The following PRKAR2A variants were observed in gnomAD, a reference collection of about 807,000 sequenced individuals.
PRKAR2A encodes cAMP-dependent protein kinase type II-alpha regulatory subunit.
PRKAR2A carries 29 observed loss-of-function variants against 51.9 expected under a neutral mutation model. The ratio of observed to expected loss-of-function variants is 0.56; its 90% CI spans 0.42 to 0.76. The LOEUF is 0.76. PRKAR2A is among the 30% of genes least tolerant of loss of function. The pLI is 0.00. For missense variants in PRKAR2A, 445 were observed against 512.1 expected, an observed-to-expected ratio of 0.87 and a Z score of 1.26; for synonymous variants, 178 against 186.2, an observed-to-expected ratio of 0.96 and a Z score of 0.36.
chr3:48,772,830 G>A (rs2082047859), intron 6 of PRKAR2A, 125 bp downstream of exon 6: 1 of 1,013,262 alleles, frequency 9.9e-7, no homozygotes, highest in East Asian at 2.8e-5. Flanking sequence ...TTTTAGTAGA[G>A]ATGGGGTTTC....
chr3:48,769,217 G>A (rs1675562501), intron 6 of PRKAR2A, among the ~76,000 whole-genome samples: 1 of 146,064 alleles, frequency 6.8e-6, no homozygotes, highest in Non-Finnish European at 1.5e-5. Context: ...GAGTGCAGTG[G>A]CACAATCTCG....
At position 48,747,623 on chromosome 3, in the gene PRKAR2A, A is replaced by G. The variant is rs1003274497; in HGVS notation, c.*3962T>C. 2.0e-5 allele frequency: 3 copies of G among 152,222 alleles called. No individual in the cohort carries two copies. The highest frequency in any genetic ancestry group is 2.9e-5 in the Non-Finnish European group (2 of 68,046). 9.4% of individuals were successfully genotyped at this position (152,222 alleles called of 1,614,324 possible). ...ACACAATTATATATGAAGACTATTG[A>G]CTAACAGGACAATAGCACATGAACC... On this transcript the variant is annotated 3_prime_UTR_variant, in exon 11 of 11. Transcript: ENST00000265563.
chr3:48,792,186 G>C (rs1444890650), intron 3 of PRKAR2A, among the ~76,000 whole-genome samples: 1 of 151,336 alleles, frequency 6.6e-6, no homozygotes, highest in Non-Finnish European at 1.5e-5. Flanking sequence ...CTGTTGCCCA[G>C]GTTGGAGTGC....
At chr3:48,840,026 C>A (rs977477819) in intron 1 of PRKAR2A, among the ~76,000 whole-genome samples, 7 of 152,168 alleles carry the variant, frequency 4.6e-5, no homozygotes, top group Non-Finnish European at 4.4e-5. Context: ...CACCCTATTA[C>A]ACCTTCCCCC....
At chr3:48,821,894 G>T (rs1381376556) in intron 1 of PRKAR2A, among the ~76,000 whole-genome samples, 1 of 139,682 alleles carries the variant, frequency 7.2e-6, no homozygotes, top group African/African-American at 2.7e-5. Flanking sequence ...CAGCCTGGGC[G>T]ACAGAGCAAC....
In PRKAR2A at chr3:48,828,055, G is replaced by A. The variant is rs1009497364; in HGVS notation, c.262+19280C>T. 2.0e-5 allele frequency among the ~76,000 whole-genome samples: 3 copies of A among 152,166 alleles called. No homozygotes were observed. The South Asian group carries it at 6.2e-4, about 32-fold the overall frequency. On this transcript the variant is annotated intron_variant, in intron 1 of 10. Transcript: ENST00000265563. The stretch of plus-strand genomic sequence containing the variant: ...TAATTTTTGTATCTTTACTAGAGAT[G>A]GGGTTTCACCACGTTGGTCAGGCTG...
At chr3:48,839,454 A>C (rs1307029365) in intron 1 of PRKAR2A, among the ~76,000 whole-genome samples, 1 of 151,986 alleles carries the variant, frequency 6.6e-6, no homozygotes, top group Non-Finnish European at 1.5e-5. Context: ...GCTTTATGGT[A>C]ATTACAGAAG....
intron 1 of PRKAR2A, among the ~76,000 whole-genome samples, chr3:48,834,752 G>C (rs926076973): frequency 6.8e-6 from 1 of 146,140 alleles, no homozygotes; most frequent in South Asian, 2.1e-4. Context: ...AAGGTGAAAA[G>C]ACAATTCACA....
rs1269768356 is a variant in PRKAR2A, at chr3:48,758,102, A to C, written c.874-1658T>G. 4.0e-5 allele frequency among the ~76,000 whole-genome samples: 6 copies of C among 151,826 alleles called. No homozygotes were observed. The East Asian group carries it at 1.2e-3, about 29-fold the overall frequency. ...CATGCATACATACATACATACATAC[A>C]CAAAAATTAGCCAGGAGTGGTGGTG... On this transcript the variant is annotated intron_variant, in intron 8 of 10. Coordinates refer to ENST00000265563, the MANE Select transcript of PRKAR2A (RefSeq NM_004157.4).
chr3:48,786,545 C>T (rs905152482), intron 4 of PRKAR2A, among the ~76,000 whole-genome samples: 17 of 150,612 alleles, frequency 1.1e-4, no homozygotes, highest in Admixed American at 1.1e-3. Flanking sequence ...TGCCTGTAAT[C>T]CCAGCACTTT....
intron 6 of PRKAR2A, among the ~76,000 whole-genome samples, chr3:48,766,156 G>T (rs947820350): frequency 3.3e-5 from 5 of 151,860 alleles, no homozygotes; most frequent in Non-Finnish European, 5.9e-5. Flanking sequence ...GGTCAAAGCT[G>T]CAGTGAGTTG....
At chr3:48,783,843 A>C (rs1027853213) in intron 4 of PRKAR2A, among the ~76,000 whole-genome samples, 1 of 152,166 alleles carries the variant, frequency 6.6e-6, no homozygotes, top group Non-Finnish European at 1.5e-5. Flanking sequence ...GGCTTCCCAA[A>C]GTGCTAGGAT....
intron 1 of PRKAR2A, among the ~76,000 whole-genome samples, chr3:48,820,869 G>C (rs114730095): frequency 0.015 from 2,260 of 152,228 alleles, 32 homozygotes; most frequent in Non-Finnish European, 0.023. Context: ...GTGCTCTCCA[G>C]ACCCACATTC....
intron 5 of PRKAR2A, among the ~76,000 whole-genome samples, chr3:48,781,234 C>G (rs2082192048): frequency 6.6e-6 from 1 of 151,434 alleles, no homozygotes; most frequent in Admixed American, 6.6e-5. Flanking sequence ...GATCCACCCA[C>G]CTCAGCCTCC....
chr3:48,805,456 G>A (rs1429073354), intron 2 of PRKAR2A, among the ~76,000 whole-genome samples: 2 of 152,204 alleles, frequency 1.3e-5, no homozygotes, highest in Non-Finnish European at 2.9e-5. Flanking sequence ...CTAACCAAGA[G>A]TTCCAGAGGG....
chr3:48,752,019 T>C (rs1007929177), intron 10 of PRKAR2A, among the ~76,000 whole-genome samples, 157 bp downstream of exon 10: 2 of 152,330 alleles, frequency 1.3e-5, no homozygotes, highest in South Asian at 4.1e-4. Flanking sequence ...TCAGAAATGT[T>C]TGCTGAAAGC....
intron 2 of PRKAR2A, among the ~76,000 whole-genome samples, chr3:48,799,733 T>A (rs1408517070): frequency 6.6e-6 from 1 of 152,232 alleles, no homozygotes; most frequent in African/African-American, 2.4e-5. Flanking sequence ...CAGTCATCAC[T>A]AGAGTCAAAA....
chr3:48,790,439 C>A (rs925959641), intron 4 of PRKAR2A, 105 bp downstream of exon 4: 13 of 680,432 alleles, frequency 1.9e-5, no homozygotes, highest in African/African-American at 1.7e-4. Context: ...AGGTTTTATG[C>A]TTAACACGGC....
chr3:48,847,255 G>A lies in PRKAR2A; in HGVS notation c.262+80C>T, dbSNP rs2083480012. Reference sequence around the variant, plus strand: ...AGCCTGCGGTCGGCTTGGCTGCGGCGCGACACCTGGCTCCCTGCCACCCCT... The same window carrying A: ...AGCCTGCGGTCGGCTTGGCTGCGGCACGACACCTGGCTCCCTGCCACCCCT... On this transcript the variant is annotated intron_variant, in intron 1 of 10. Coordinates refer to ENST00000265563, the MANE Select transcript of PRKAR2A (RefSeq NM_004157.4). The surrounding 1 kb of genome is among the most constrained non-coding windows in gnomAD (Gnocchi z 4.4). The A allele has an allele frequency of 2.7e-6, 4 of 1,504,832 alleles. No individual in the cohort carries two copies. The highest frequency in any genetic ancestry group is 2.0e-5 in the Admixed American group (1 of 48,922). 93.2% of individuals were successfully genotyped at this position (1,504,832 alleles called of 1,614,324 possible).
Sources: allele counts gnomAD v4.1 joint callset (sites outside exome capture counted in the v4.1 genomes callset), GRCh38; gene constraint gnomAD v4.1.1; non-coding constraint Gnocchi (gnomAD v3.1); transcripts MANE v1.5; gene names NCBI Gene and HGNC (gene_info 2026-07-23, HGNC 2026-07-21).